FAM156A: variants seen among roughly 807,000 people sequenced by gnomAD.
FAM156A encodes the protein protein FAM156A/FAM156B.
At chrX:52,975,051 TAC>T (rs61081750) in intron 1 of FAM156A, among the ~76,000 whole-genome samples, 2,642 of 83,563 alleles carry the variant, frequency 0.032, 45 homozygotes, top group Middle Eastern at 0.084. Flanking sequence ...GTTAAACACA[TAC>T]ACACACACAC....
intron 1 of FAM156A, among the ~76,000 whole-genome samples, chrX:52,974,852 CG>C (rs1171676516): frequency 1.8e-5 from 2 of 110,385 alleles, no homozygotes; most frequent in Non-Finnish European, 3.8e-5. Flanking sequence ...CTCATCTCCT[CG>C]GGGCTGGGTT....
At chrX:52,979,923 CCTA>C (rs1159272972) in intron 1 of FAM156A, among the ~76,000 whole-genome samples, 1 of 112,345 alleles carries the variant, frequency 8.9e-6, no homozygotes, top group East Asian at 2.8e-4. Context: ...TCTTTTAAAT[CCTA>C]AACTTGTGGT....
chrX:52,973,828 A>G (rs1157639700), intron 1 of FAM156A, among the ~76,000 whole-genome samples: 1 of 110,553 alleles, frequency 9.0e-6, no homozygotes, highest in African/African-American at 3.3e-5. Flanking sequence ...ACGCCTGGCT[A>G]ATTTTTTTGT....
intron 1 of FAM156A, among the ~76,000 whole-genome samples, chrX:52,992,645 G>A (rs1446104917): frequency 9.2e-6 from 1 of 108,282 alleles, no homozygotes; most frequent in Non-Finnish European, 1.9e-5. Flanking sequence ...AACGTTAAGT[G>A]TATGTTTTAA....
chrX:52,975,432 C>T (rs1447040877), intron 1 of FAM156A, among the ~76,000 whole-genome samples: 5 of 111,729 alleles, frequency 4.5e-5, no homozygotes, highest in African/African-American at 1.6e-4. Flanking sequence ...ATTGTCTTAG[C>T]AGAAAAACAA....
At chrX:52,989,173 G>A (rs782458464) in intron 1 of FAM156A, among the ~76,000 whole-genome samples, 7 of 111,368 alleles carry the variant, frequency 6.3e-5, no homozygotes, top group East Asian at 2.8e-4. Flanking sequence ...CACTGGGCTC[G>A]TCTCGGGGCA....
intron 1 of FAM156A, among the ~76,000 whole-genome samples, chrX:52,989,918 G>T (rs1245103901): frequency 3.6e-5 from 4 of 112,273 alleles, no homozygotes; most frequent in Non-Finnish European, 1.9e-5. Context: ...AGCATATAAT[G>T]CAATCATTAA....
chrX:52,988,969 A>G (rs1218479723), intron 1 of FAM156A, among the ~76,000 whole-genome samples: 1 of 112,694 alleles, frequency 8.9e-6, no homozygotes, highest in African/African-American at 3.2e-5. Context: ...TAAATCAAAC[A>G]CTAATTAACG....
intron 1 of FAM156A, among the ~76,000 whole-genome samples, chrX:52,977,031 CACACACACATATATATAT>C (rs1474634614): frequency 2.8e-5 from 3 of 105,624 alleles, no homozygotes; most frequent in Non-Finnish European, 5.8e-5. Context: ...TATATATATA[CACACACACATATATATAT>C]ACACACACAT....
intron 1 of FAM156A, among the ~76,000 whole-genome samples, chrX:52,977,061 T>C (rs1284630810): frequency 2.9e-5 from 3 of 102,681 alleles, no homozygotes; most frequent in African/African-American, 1.1e-4. Context: ...CACACACATA[T>C]ATACATATAC....
intron 1 of FAM156A, among the ~76,000 whole-genome samples, chrX:52,979,146 G>A (rs1249724782): frequency 2.7e-5 from 3 of 112,004 alleles, no homozygotes; most frequent in African/African-American, 9.7e-5. Context: ...GACAAGATGA[G>A]CGCAGTGTGA....
chrX:52,983,871 C>T (rs1160271533), intron 1 of FAM156A, among the ~76,000 whole-genome samples: 1 of 112,575 alleles, frequency 8.9e-6, no homozygotes, highest in Non-Finnish European at 1.9e-5. Context: ...TGTTTCACAG[C>T]GTGTGTGAGG....
At chrX:52,982,633 T>C (rs1556793633) in intron 1 of FAM156A, among the ~76,000 whole-genome samples, 1 of 111,470 alleles carries the variant, frequency 9.0e-6, no homozygotes, top group African/African-American at 3.3e-5. Context: ...TTCCCATTTC[T>C]TTACTTATCA....
intron 1 of FAM156A, among the ~76,000 whole-genome samples, chrX:52,986,038 G>A (rs1306498472): frequency 1.8e-5 from 2 of 110,466 alleles, no homozygotes; most frequent in African/African-American, 3.3e-5. Context: ...CATTTGGGTT[G>A]GTTCCAAGTC....
chrX:52,993,112 G>C (rs1341454596), intron 1 of FAM156A, among the ~76,000 whole-genome samples: 1 of 111,473 alleles, frequency 9.0e-6, no homozygotes, highest in Non-Finnish European at 1.9e-5. Flanking sequence ...AATAGAGATG[G>C]GGACACCAGG....
chrX:52,982,455 AAAAT>A (rs1359597797), intron 1 of FAM156A, among the ~76,000 whole-genome samples: 2 of 112,256 alleles, frequency 1.8e-5, no homozygotes, highest in Admixed American at 9.5e-5. Flanking sequence ...CTCCATCTCA[AAAAT>A]AAATAAATAA....
intron 1 of FAM156A, among the ~76,000 whole-genome samples, chrX:52,984,419 T>C (rs782557517): frequency 4.7e-4 from 53 of 112,307 alleles, no homozygotes; most frequent in Non-Finnish European, 8.5e-4. Flanking sequence ...TACAAACAGT[T>C]TAGGCAGAGT....
chrX:52,991,814 T>C (rs1418336085), intron 1 of FAM156A, among the ~76,000 whole-genome samples: 1 of 109,000 alleles, frequency 9.2e-6, no homozygotes, highest in Admixed American at 9.8e-5. Context: ...GAGATGACAG[T>C]GGGCCTGTAC....
intron 1 of FAM156A, among the ~76,000 whole-genome samples, chrX:52,992,510 A>G (rs1556795830): frequency 9.0e-6 from 1 of 111,020 alleles, no homozygotes; most frequent in African/African-American, 3.3e-5. Flanking sequence ...TGTGGTCCAC[A>G]CCAGCAGGCC....
Sources: allele counts gnomAD v4.1 joint callset (sites outside exome capture counted in the v4.1 genomes callset), GRCh38; gene constraint gnomAD v4.1.1; transcripts MANE v1.5; gene names NCBI Gene and HGNC (gene_info 2026-07-23, HGNC 2026-07-21).